Variants in USP9X observed in about 807,000 individuals in gnomAD.
USP9X encodes the protein ubiquitin specific peptidase 9 X-linked.
Under a neutral mutation model 190.3 loss-of-function variants are expected in USP9X, and 7 were observed. The ratio of observed to expected loss-of-function variants is 0.04; its 90% CI spans 0.02 to 0.07. The LOEUF is 0.07. Ranked by LOEUF, USP9X falls within the 10% of genes least tolerant of loss-of-function variation. The pLI is 1.00. For synonymous variants in USP9X, 645 were observed against 659.5 expected (o/e 0.98, Z 0.34); for missense variants, 1,010 against 1,916.9 (o/e 0.53, Z 8.83).
chrX:41,141,809 A>C (rs1046150951), intron 9 of USP9X, among the ~76,000 whole-genome samples: 5 of 111,486 alleles, frequency 4.5e-5, no homozygotes, highest in Non-Finnish European at 9.4e-5. Context: ...TTTACAGTTA[A>C]ACGTTTTAAA....
At chrX:41,095,361 G>A (rs2061981919) in intron 1 of USP9X, among the ~76,000 whole-genome samples, 1 of 111,753 alleles carries the variant, frequency 8.9e-6, no homozygotes, top group African/African-American at 3.3e-5. Flanking sequence ...TTGAGATCAG[G>A]CAGGGTTTTT....
chrX:41,197,332 C>CGGG, intron 28 of USP9X, 32 bp from the exon 29 acceptor site: 2 of 211,271 alleles, frequency 9.5e-6, no homozygotes, highest in Non-Finnish European at 1.6e-5. Context: ...TTGATTTCTT[C>CGGG]CCCCCCCCAC....
At chrX:41,129,627 C>G (rs1046480890) in intron 3 of USP9X, among the ~76,000 whole-genome samples, 1 of 111,924 alleles carries the variant, frequency 8.9e-6, no homozygotes, top group African/African-American at 3.3e-5. Flanking sequence ...CCACCCCACA[C>G]ACTTTGATTA....
At position 41,205,368 on chromosome X, in the gene USP9X, A is replaced by G; in HGVS notation, c.4890A>G (p.Leu1630=). 2 of 1,207,544 alleles carry G rather than the reference A, an allele frequency of 1.7e-6. No homozygotes were observed. The highest frequency in any genetic ancestry group is 2.2e-6 in the Non-Finnish European group (2 of 893,496). ...AACAATTTGAAGATAAACCAGCATT[A>G]AGTAAAACTGAAGATAGAAAAGAGT... ...YPQQFEDKPA[L]SKTEDRKEYN... is the part of the protein sequence containing the mutation. Residue 1630 remains leucine (L), a synonymous_variant, in exon 32 of 45, where the codon TTA becomes TTG. Transcript: ENST00000378308.
At chrX:41,151,599 A>G (rs777451349) in intron 13 of USP9X, among the ~76,000 whole-genome samples, 7 of 112,508 alleles carry the variant, frequency 6.2e-5, no homozygotes, top group East Asian at 2.8e-4. Context: ...AGCAGGGTGC[A>G]GTAGAAGGAA....
chrX:41,125,110 C>G (rs1042099865), intron 2 of USP9X, among the ~76,000 whole-genome samples: 1 of 111,339 alleles, frequency 9.0e-6, no homozygotes, highest in South Asian at 3.8e-4. Flanking sequence ...GGGTCTTGCT[C>G]TTTTGCCCAG....
At chrX:41,169,601 C>T (rs1244429371) in intron 18 of USP9X, among the ~76,000 whole-genome samples, 2 of 110,236 alleles carry the variant, frequency 1.8e-5, no homozygotes, top group South Asian at 3.9e-4. Context: ...ATTACAGGCG[C>T]CCACCACCAA....
chrX:41,114,704 A>T (rs2062134250), intron 1 of USP9X, among the ~76,000 whole-genome samples: 1 of 107,365 alleles, frequency 9.3e-6, no homozygotes, highest in African/African-American at 3.4e-5. Context: ...GGCCGGTCTC[A>T]AACTCCTGAC....
chrX:41,231,453 C>T (rs1173348697), intron 44 of USP9X, among the ~76,000 whole-genome samples: 4 of 111,409 alleles, frequency 3.6e-5, no homozygotes, highest in Admixed American at 1.9e-4. Flanking sequence ...CCTGGCCAGG[C>T]GCGGTAGCTC....
At chrX:41,139,390 G>A (rs1382771663) in intron 6 of USP9X, among the ~76,000 whole-genome samples, 1 of 112,541 alleles carries the variant, frequency 8.9e-6, no homozygotes, top group African/African-American at 3.2e-5. Context: ...GCCAGGCAAG[G>A]TGGCTCACGC....
rs142247395 is a variant in USP9X at position 41,152,480 on chromosome X, G to A, written c.1764-468G>A. ...TGAGTCTTTGTGGTGACACCTGTGG[G>A]CAAACTTGGCTACAAACAGAGTGTC... On this transcript the variant is annotated intron_variant, in intron 13 of 44. Coordinates refer to ENST00000378308, the MANE Select transcript of USP9X (RefSeq NM_001039591.3). Among the ~76,000 whole-genome samples, 574 of 111,342 alleles carry A rather than the reference G, an allele frequency of 5.2e-3. 2 individuals carry two copies. Among genetic ancestry groups the A allele is most frequent in the African/African-American group, 0.017 (525 of 30,627 alleles).
intron 1 of USP9X, among the ~76,000 whole-genome samples, chrX:41,092,865 A>G (rs760892288): frequency 3.6e-5 from 4 of 110,638 alleles, no homozygotes; most frequent in Non-Finnish European, 7.6e-5. Context: ...GCCAGCCCCT[A>G]GTTAAGAGCA....
intron 1 of USP9X, among the ~76,000 whole-genome samples, chrX:41,096,106 A>G (rs896720818): frequency 8.9e-6 from 1 of 112,158 alleles, no homozygotes; most frequent in African/African-American, 3.2e-5. Flanking sequence ...TTGAAAGGTC[A>G]TTGAGAGAAG....
intron 1 of USP9X, among the ~76,000 whole-genome samples, chrX:41,111,721 A>G (rs928250488): frequency 9.0e-6 from 1 of 111,472 alleles, no homozygotes; most frequent in Non-Finnish European, 1.9e-5. Flanking sequence ...CAAGAAGGCA[A>G]ATTGAACTGG....
chrX:41,157,546 T>A (rs2062590024), intron 14 of USP9X, among the ~76,000 whole-genome samples: 1 of 110,889 alleles, frequency 9.0e-6, no homozygotes, highest in Non-Finnish European at 1.9e-5. Flanking sequence ...AAATAGACTA[T>A]GAAGTCTATT....
intron 33 of USP9X, among the ~76,000 whole-genome samples, chrX:41,213,570 G>A (rs2063184847): frequency 8.9e-6 from 1 of 111,901 alleles, no homozygotes; most frequent in Non-Finnish European, 1.9e-5. Context: ...TAAGCAAAGA[G>A]CGTCCGTACT....
chrX:41,145,638 G>A (rs1294923766), intron 11 of USP9X, among the ~76,000 whole-genome samples: 1 of 111,784 alleles, frequency 8.9e-6, no homozygotes, highest in Non-Finnish European at 1.9e-5. Context: ...TCCGAAATGG[G>A]CACAGCTGGT....
At chrX:41,087,581 C>T (rs1486959463) in intron 1 of USP9X, among the ~76,000 whole-genome samples, 1 of 112,735 alleles carries the variant, frequency 8.9e-6, no homozygotes, top group African/African-American at 3.2e-5. Context: ...CTGTGTCATA[C>T]ATCTAACTTT....
intron 2 of USP9X, among the ~76,000 whole-genome samples, chrX:41,125,323 C>G (rs772962782): frequency 9.1e-6 from 1 of 109,480 alleles, no homozygotes; most frequent in Non-Finnish European, 1.9e-5. Context: ...ATCCGCCTGC[C>G]TTGGGCCTCC....
Sources: allele counts gnomAD v4.1 joint callset (sites outside exome capture counted in the v4.1 genomes callset), GRCh38; gene constraint gnomAD v4.1.1; transcripts MANE v1.5; gene names NCBI Gene and HGNC (gene_info 2026-07-23, HGNC 2026-07-21).